Variants in FAT3 observed in about 807,000 individuals in gnomAD.
The protein encoded by FAT3 is FAT atypical cadherin 3, also known as protocadherin Fat 3.
In FAT3, 95 loss-of-function variants were observed where a neutral mutation model predicts 310.2. The ratio of observed to expected loss-of-function variants is 0.31; its 90% CI spans 0.26 to 0.36. The LOEUF (loss-of-function observed/expected upper bound fraction) is 0.36, where lower values mean the gene tolerates loss of function less well. FAT3 is among the 10% of genes least tolerant of loss of function. The pLI is 1.00. For synonymous variants in FAT3, 2,314 were observed against 2,192.9 expected, an observed-to-expected ratio of 1.06 and a Z score of -1.54; for missense variants, 5,408 against 5,715.6, an observed-to-expected ratio of 0.95 and a Z score of 1.74.
chr11:92,800,667 G>C lies in FAT3; in HGVS notation c.7654G>C (p.Val2552Leu). The stretch of plus-strand genomic sequence containing the variant: ...ATTCCTCATAGACAGCAATGGGCAG[G>C]TCATCACCACAGAAAGGCTAGACCG... ...DRFLIDSNGQ[V>L]ITTERLDREN... Residue 2552 changes from valine (V) to leucine (L), a missense_variant, in exon 10 of 28, where the codon GTC (valine) becomes CTC (leucine). Coordinates refer to ENST00000525166, the MANE Select transcript of FAT3 (RefSeq NM_001367949.2). The C allele has an allele frequency of 6.2e-7, 1 of 1,613,794 alleles. No individual in the cohort carries two copies. Among genetic ancestry groups the C allele is most frequent in the Non-Finnish European group, 8.5e-7 (1 of 1,179,826 alleles).
At chr11:92,721,728 C>T (rs1202194686) in intron 4 of FAT3, among the ~76,000 whole-genome samples, 2 of 152,068 alleles carry the variant, frequency 1.3e-5, no homozygotes, top group African/African-American at 4.8e-5. Flanking sequence ...GGGCAATTTA[C>T]AAAAGAAAGA....
intron 1 of FAT3, among the ~76,000 whole-genome samples, chr11:92,272,231 G>T (rs1310340827): frequency 6.6e-6 from 1 of 152,036 alleles, no homozygotes; most frequent in Non-Finnish European, 1.5e-5. Context: ...TGTTCATTTT[G>T]CCCTGCTCCT....
At chr11:92,328,448 A>G (rs550037290) in intron 1 of FAT3, among the ~76,000 whole-genome samples, 1 of 152,318 alleles carries the variant, frequency 6.6e-6, no homozygotes, top group South Asian at 2.1e-4. Flanking sequence ...AGTTTTCTGT[A>G]ATCATCGTAC....
intron 3 of FAT3, among the ~76,000 whole-genome samples, chr11:92,696,610 A>G (rs2135904306): frequency 6.6e-6 from 1 of 152,324 alleles, no homozygotes; most frequent in East Asian, 1.9e-4. Context: ...CAAGAAATGG[A>G]ACATAAATTT....
intron 1 of FAT3, among the ~76,000 whole-genome samples, chr11:92,252,355 C>A (rs1472118754): frequency 2.6e-5 from 4 of 152,072 alleles, no homozygotes; most frequent in South Asian, 4.1e-4. Context: ...AAGTGAAATC[C>A]TTTGGGTTTA....
intron 3 of FAT3, among the ~76,000 whole-genome samples, chr11:92,581,658 G>C (rs1006681082): frequency 1.1e-4 from 16 of 151,962 alleles, no homozygotes; most frequent in Non-Finnish European, 5.9e-5. Context: ...CTGCCAAGGG[G>C]GGGGATTATG....
chr11:92,533,920 A>G (rs1441482142), intron 3 of FAT3, among the ~76,000 whole-genome samples: 1 of 152,116 alleles, frequency 6.6e-6, no homozygotes, highest in Non-Finnish European at 1.5e-5. Flanking sequence ...AGAGCAGATG[A>G]TGGAGCTGTA....
chr11:92,792,749 C>T lies in FAT3; in HGVS notation c.4612-18C>T, dbSNP rs1307585751. Reference sequence around the variant, plus strand: ...ATTTAAAATTTGAGTCCCACCACTTCTTGTATTTTGCCTAAAGGTCAGAGA... The same window carrying T: ...ATTTAAAATTTGAGTCCCACCACTTTTTGTATTTTGCCTAAAGGTCAGAGA... On this transcript the variant is annotated intron_variant, in intron 8 of 27. Coordinates refer to ENST00000525166, the MANE Select transcript of FAT3 (RefSeq NM_001367949.2). The T allele has an allele frequency of 1.2e-6, 2 of 1,611,920 alleles. No individual in the cohort carries two copies. The highest frequency in any genetic ancestry group is 1.1e-5 in the South Asian group (1 of 90,816).
chr11:92,248,073 A>T (rs1028905004), intron 1 of FAT3, among the ~76,000 whole-genome samples: 1 of 152,144 alleles, frequency 6.6e-6, no homozygotes, highest in African/African-American at 2.4e-5. Context: ...AAATGATTAA[A>T]ATGGTTTCCC....
chr11:92,313,810 G>C (rs11019900), intron 1 of FAT3, among the ~76,000 whole-genome samples: 20,613 of 152,148 alleles, frequency 0.14, 2,739 homozygotes, highest in African/African-American at 0.34. Context: ...TGCCGACCTC[G>C]GCCTCCCAAA....
intron 4 of FAT3, among the ~76,000 whole-genome samples, chr11:92,746,805 A>G (rs1363085806): frequency 6.6e-6 from 1 of 152,208 alleles, no homozygotes; most frequent in Non-Finnish European, 1.5e-5. Context: ...CAAGTCCAAA[A>G]TCCAATAGGG....
intron 3 of FAT3, among the ~76,000 whole-genome samples, chr11:92,590,050 G>A (rs1332079073): frequency 1.3e-5 from 2 of 151,970 alleles, no homozygotes; most frequent in African/African-American, 4.8e-5. Flanking sequence ...TATTCTTTTG[G>A]TGTCACTGAA....
intron 1 of FAT3, among the ~76,000 whole-genome samples, chr11:92,344,619 G>A (rs1267544957): frequency 6.6e-6 from 1 of 152,202 alleles, no homozygotes; most frequent in Non-Finnish European, 1.5e-5. Flanking sequence ...CTAAGACCTA[G>A]AGTAAGAGTG....
At chr11:92,451,059 CT>C (rs1357302797) in intron 2 of FAT3, among the ~76,000 whole-genome samples, 2 of 152,042 alleles carry the variant, frequency 1.3e-5, no homozygotes, top group African/African-American at 4.8e-5. Flanking sequence ...CTCTTTTCCT[CT>C]TTGCTGAACC....
intron 4 of FAT3, among the ~76,000 whole-genome samples, chr11:92,719,321 C>T (rs989976067): frequency 9.2e-5 from 14 of 152,122 alleles, no homozygotes; most frequent in African/African-American, 3.4e-4. Flanking sequence ...TAGATTTTCT[C>T]ACATTATTAT....
At chr11:92,789,600 G>C (rs1946984553) in intron 7 of FAT3, among the ~76,000 whole-genome samples, 1 of 152,052 alleles carries the variant, frequency 6.6e-6, no homozygotes, top group African/African-American at 2.4e-5. Context: ...AAGAACTTAA[G>C]ATAATGGCAA....
chr11:92,798,218 C>T lies in FAT3; in HGVS notation c.5205C>T (p.Ser1735=), dbSNP rs1485180522. 6.2e-7 allele frequency: 1 copy of T among 1,613,790 alleles called. No homozygotes were observed. The highest frequency in any genetic ancestry group is 8.5e-7 in the Non-Finnish European group (1 of 1,179,858). Residue 1735 remains serine, a synonymous_variant, in exon 10 of 28, where the codon TCC becomes TCT. Transcript: ENST00000525166. ...AGGCCCTGGATTATGAGCGCACATC[C>T]TCTTATCAACTCATCATTCAGGCCA... ...TQKALDYERT[S]SYQLIIQATN... is the part of the protein sequence containing the mutation.
intron 1 of FAT3, among the ~76,000 whole-genome samples, chr11:92,329,031 C>G (rs1405427127): frequency 6.6e-6 from 1 of 151,764 alleles, no homozygotes; most frequent in Non-Finnish European, 1.5e-5. Flanking sequence ...ATAAAATATA[C>G]TATCTTTCTC....
At chr11:92,673,581 A>G (rs1291838169) in intron 3 of FAT3, among the ~76,000 whole-genome samples, 2 of 152,186 alleles carry the variant, frequency 1.3e-5, no homozygotes, top group African/African-American at 4.8e-5. Context: ...AGGCACTCAG[A>G]TGCAAAGATG....
Sources: allele counts gnomAD v4.1 joint callset (sites outside exome capture counted in the v4.1 genomes callset), GRCh38; gene constraint gnomAD v4.1.1; transcripts MANE v1.5; gene names NCBI Gene and HGNC (gene_info 2026-07-23, HGNC 2026-07-21).